EIF2AK2: variants seen among roughly 807,000 people sequenced by gnomAD.
EIF2AK2 encodes the protein eukaryotic translation initiation factor 2 alpha kinase 2, also known as interferon-induced, double-stranded RNA-activated protein kinase.
Under a neutral mutation model 70.5 loss-of-function variants are expected in EIF2AK2, and 40 were observed. That is an observed-to-expected ratio of 0.57 (90% CI 0.44 to 0.74). The LOEUF (loss-of-function observed/expected upper bound fraction) is 0.74, where lower values mean the gene tolerates loss of function less well. Ranked by LOEUF, EIF2AK2 falls within the 30% of genes least tolerant of loss-of-function variation. The pLI, the probability that EIF2AK2 is intolerant of heterozygous loss-of-function variation, is 0.00. For missense variants in EIF2AK2, 555 were observed against 644.3 expected (o/e 0.86, Z 1.50); for synonymous variants, 198 against 220.9 (o/e 0.90, Z 0.92).
chr2:37,135,164 G>C (rs1675083638), intron 10 of EIF2AK2, among the ~76,000 whole-genome samples: 1 of 152,168 alleles, frequency 6.6e-6, no homozygotes, highest in Non-Finnish European at 1.5e-5. Context: ...CTCTCATTGG[G>C]TGAGGAATGT....
At chr2:37,141,828 T>C in intron 4 of EIF2AK2, 127 bp from the exon 5 acceptor site, 4 of 1,039,452 alleles carry the variant, frequency 3.8e-6, no homozygotes, top group Non-Finnish European at 5.4e-6. Context: ...TATATTTTCC[T>C]ATTATATTAC....
At chr2:37,146,688 T>C (rs2148711375) in intron 4 of EIF2AK2, among the ~76,000 whole-genome samples, 165 bp downstream of exon 4, 1 of 152,320 alleles carries the variant, frequency 6.6e-6, no homozygotes, top group South Asian at 2.1e-4. Flanking sequence ...TGGCTCTCAC[T>C]CAGGGTTTCA....
chr2:37,156,850 A>T (rs1478096988), intron 1 of EIF2AK2, 58 bp downstream of exon 1: 1 of 156,550 alleles, frequency 6.4e-6, no homozygotes, highest in Non-Finnish European at 1.4e-5. Context: ...AGCCCCTCGT[A>T]CGTGGCCCCC....
chr2:37,120,038 A>G lies in EIF2AK2; in HGVS notation c.1169T>C (p.Leu390Ser). ...TATTTGTTCAAAGAGTTCCAAAGCCAAAACTTTGTCTAGTTTCTCGCCTCT... is the reference window on the plus strand; with the variant it reads ...TATTTGTTCAAAGAGTTCCAAAGCCGAAACTTTGTCTAGTTTCTCGCCTCT... ...KRRGEKLDKV[L>S]ALELFEQITK... The change falls in exon 13 of 17, where the codon TTG becomes TCG. Residue 390 changes from leucine to serine, a missense_variant. Physicochemically the swap from Leu to Ser is moderately radical, Grantham distance 145. Transcript: ENST00000233057. 1 of 1,567,844 alleles carries G rather than the reference A, an allele frequency of 6.4e-7. No homozygotes were observed. The highest frequency in any genetic ancestry group is 8.7e-7 in the Non-Finnish European group (1 of 1,153,778).
chr2:37,153,261 T>TA (rs1394667400), intron 1 of EIF2AK2, among the ~76,000 whole-genome samples: 1 of 151,458 alleles, frequency 6.6e-6, no homozygotes. Flanking sequence ...CCACAACTCT[T>TA]AATCTTTCCA....
At chr2:37,140,091 G>T (rs1188587011) in intron 5 of EIF2AK2, among the ~76,000 whole-genome samples, 1 of 151,876 alleles carries the variant, frequency 6.6e-6, no homozygotes, top group Non-Finnish European at 1.5e-5. Context: ...AGAAAAGAAA[G>T]AAAGAGATCC....
rs186305568 is a variant in EIF2AK2 at position 37,146,979 on chromosome 2, T to C, written c.120-6A>G. 2.7e-4 allele frequency: 430 copies of C among 1,606,242 alleles called. No individual in the cohort carries two copies. The highest frequency in any genetic ancestry group is 3.4e-4 in the Non-Finnish European group (404 of 1,176,712). ...TTATAACTTGAAATGTAAACCTGAT[T>C]ACAAAGAGAATATTCATAAAATATT... On this transcript the variant is annotated splice_region_variant and splice_polypyrimidine_tract_variant and intron_variant, in intron 3 of 16. Transcript: ENST00000233057.
chr2:37,113,254 G>A (rs983626809), intron 14 of EIF2AK2, among the ~76,000 whole-genome samples: 4 of 152,112 alleles, frequency 2.6e-5, no homozygotes, highest in African/African-American at 4.8e-5. Flanking sequence ...CCAGCACTTT[G>A]GGAGGCCAAG....
chr2:37,156,023 G>T (rs4670666), intron 1 of EIF2AK2, among the ~76,000 whole-genome samples: 2 of 151,930 alleles, frequency 1.3e-5, no homozygotes, highest in Non-Finnish European at 2.9e-5. Flanking sequence ...GTGGAAGGGG[G>T]AACAGCAAGG....
chr2:37,132,373 CGAGGTCAG>C (rs1300827815), intron 10 of EIF2AK2, among the ~76,000 whole-genome samples: 9 of 152,054 alleles, frequency 5.9e-5, no homozygotes, highest in Admixed American at 2.0e-4. Flanking sequence ...GGGCGGATCA[CGAGGTCAG>C]GAGTTTGAGA....
At chr2:37,136,483 C>G (rs530987195) in intron 9 of EIF2AK2, among the ~76,000 whole-genome samples, 59 of 152,324 alleles carry the variant, frequency 3.9e-4, no homozygotes, top group African/African-American at 1.3e-3. Context: ...CATCAAGAAC[C>G]ATGTTTCTTC....
chr2:37,122,746 CT>C (rs2148679700), intron 11 of EIF2AK2, 82 bp from the exon 12 acceptor site: 1 of 1,531,644 alleles, frequency 6.5e-7, no homozygotes, highest in East Asian at 2.3e-5. Context: ...TAATAGACAA[CT>C]GTCTACATTC....
chr2:37,139,822 C>A (rs892363701), intron 5 of EIF2AK2, 65 bp from the exon 6 acceptor site: 17 of 1,483,960 alleles, frequency 1.1e-5, no homozygotes, highest in Middle Eastern at 1.9e-4. Context: ...ACTTAGGATT[C>A]AAAAAAAATA....
chr2:37,121,481 T>G (rs2148677900), intron 12 of EIF2AK2, among the ~76,000 whole-genome samples: 1 of 152,114 alleles, frequency 6.6e-6, no homozygotes, highest in Admixed American at 6.5e-5. Context: ...GAAAATCAGT[T>G]AGACACTATA....
In EIF2AK2 at chr2:37,104,193, AC is replaced by A. The variant is rs1673899053; in HGVS notation, c.*3079del. On this transcript the variant is annotated 3_prime_UTR_variant, in exon 17 of 17. Coordinates refer to ENST00000233057, the MANE Select transcript of EIF2AK2 (RefSeq NM_001135651.3). ...AAAACAAAACAAAAAGACATTTTCT[AC>A]ATATACTATTATCACACCTGAGAAA... 1 of 152,102 alleles carries A rather than the reference AC, an allele frequency of 6.6e-6. No individual in the cohort carries two copies. Among genetic ancestry groups the A allele is most frequent in the Non-Finnish European group, 1.5e-5 (1 of 68,046 alleles). The allele number at this position is 152,102 out of a possible 1,614,324, so 9.4% of individuals were successfully genotyped here.
intron 10 of EIF2AK2, 53 bp downstream of exon 10, chr2:37,135,431 A>C: frequency 1.4e-6 from 2 of 1,465,748 alleles, no homozygotes; most frequent in East Asian, 2.3e-5. Flanking sequence ...ACTACCAAAA[A>C]CATCCACCGA....
At chr2:37,114,611 G>A (rs758720175) in intron 14 of EIF2AK2, 120 bp downstream of exon 14, 23 of 870,162 alleles carry the variant, frequency 2.6e-5, no homozygotes, top group Non-Finnish European at 3.3e-5. Context: ...GAAAAGAATG[G>A]TAAGGAAAAT....
intron 1 of EIF2AK2, chr2:37,149,257 A>AC (rs1675661737): frequency 3.7e-6 from 4 of 1,083,624 alleles, no homozygotes; most frequent in Admixed American, 3.5e-5. Context: ...GTATGAGCAA[A>AC]CTGAAATTGA....
At chr2:37,154,177 T>C (rs983329083) in intron 1 of EIF2AK2, among the ~76,000 whole-genome samples, 4 of 151,836 alleles carry the variant, frequency 2.6e-5, no homozygotes, top group Non-Finnish European at 4.4e-5. Context: ...AAATACAAAA[T>C]TAGCCGGGGT....
Sources: allele counts gnomAD v4.1 joint callset (sites outside exome capture counted in the v4.1 genomes callset), GRCh38; gene constraint gnomAD v4.1.1; transcripts MANE v1.5; gene names NCBI Gene and HGNC (gene_info 2026-07-23, HGNC 2026-07-21).